Variants in KCNMB2 observed in about 807,000 individuals in gnomAD.
KCNMB2 encodes potassium calcium-activated channel subfamily M regulatory beta subunit 2.
Under a neutral mutation model 24.5 loss-of-function variants are expected in KCNMB2, and 9 were observed. That is an observed-to-expected ratio of 0.37 (90% CI 0.22 to 0.64). The LOEUF (loss-of-function observed/expected upper bound fraction) is 0.64. KCNMB2 is among the 30% of genes least tolerant of loss of function. The probability of loss-of-function intolerance (pLI) is 0.63; values close to 1 mark genes in which losing one functional copy is unlikely to be tolerated. For synonymous variants in KCNMB2, 109 were observed against 104.4 expected, an observed-to-expected ratio of 1.04 and a Z score of -0.27; for missense variants, 226 against 284.3, an observed-to-expected ratio of 0.79 and a Z score of 1.47.
chr3:178,759,697 C>T lies in KCNMB2; in HGVS notation c.-67-47646C>T, dbSNP rs1255248569. On this transcript the variant is annotated intron_variant, in intron 1 of 4. Coordinates refer to ENST00000452583, the MANE Select transcript of KCNMB2 (RefSeq NM_181361.3). Reference sequence around the variant, plus strand: ...ATATATATCCAAGAGGATATATATACACATATATATATCCAAGAGGATATA... The same window carrying T: ...ATATATATCCAAGAGGATATATATATACATATATATATCCAAGAGGATATA... 3.9e-4 allele frequency among the ~76,000 whole-genome samples: 33 copies of T among 83,762 alleles called. 2 individuals are homozygous for T. The highest frequency in any genetic ancestry group is 1.2e-3 in the African/African-American group (32 of 26,860). The allele number at this position is 83,762 out of a possible 152,430, so 55.0% of individuals were successfully genotyped here.
intron 1 of KCNMB2, among the ~76,000 whole-genome samples, chr3:178,571,591 G>T (rs916195188): frequency 6.6e-6 from 1 of 151,326 alleles, no homozygotes; most frequent in Non-Finnish European, 1.5e-5. Context: ...AGGTATACAC[G>T]TGCCATGGTG....
At chr3:178,781,021 A>G (rs1712808820) in intron 1 of KCNMB2, among the ~76,000 whole-genome samples, 2 of 152,230 alleles carry the variant, frequency 1.3e-5, no homozygotes, top group Admixed American at 1.3e-4. Flanking sequence ...TAAAATATGC[A>G]CTGAATTTCA....
At chr3:178,553,521 A>G (rs1016842945) in intron 1 of KCNMB2, among the ~76,000 whole-genome samples, 3 of 151,436 alleles carry the variant, frequency 2.0e-5, no homozygotes, top group African/African-American at 4.9e-5. Flanking sequence ...TTCTCTGATC[A>G]GCTTCAGAGA....
chr3:178,588,346 G>A (rs894909493), intron 1 of KCNMB2, among the ~76,000 whole-genome samples: 6 of 152,102 alleles, frequency 3.9e-5, no homozygotes, highest in African/African-American at 9.7e-5. Context: ...CAACTAGTGG[G>A]AGATTAACAA....
intron 1 of KCNMB2, among the ~76,000 whole-genome samples, chr3:178,737,705 TG>T (rs972083354): frequency 1.3e-5 from 2 of 152,088 alleles, no homozygotes; most frequent in Non-Finnish European, 2.9e-5. Flanking sequence ...TACTTTAGTA[TG>T]AAAAAAAGAC....
intron 1 of KCNMB2, among the ~76,000 whole-genome samples, chr3:178,754,462 T>C (rs1194731057): frequency 6.6e-6 from 1 of 152,100 alleles, no homozygotes; most frequent in Non-Finnish European, 1.5e-5. Context: ...GCACATCTAA[T>C]AAATGTTTGC....
chr3:178,699,895 C>T (rs894205691), intron 1 of KCNMB2, among the ~76,000 whole-genome samples: 5 of 152,188 alleles, frequency 3.3e-5, no homozygotes, highest in African/African-American at 4.8e-5. Flanking sequence ...CCCCTCCTGC[C>T]GGGGTTCTAG....
chr3:178,675,701 G>T (rs968094836), intron 1 of KCNMB2, among the ~76,000 whole-genome samples: 4 of 152,174 alleles, frequency 2.6e-5, no homozygotes, highest in Admixed American at 1.3e-4. Flanking sequence ...AGGGGCAAGA[G>T]AACAGAATAG....
intron 1 of KCNMB2, among the ~76,000 whole-genome samples, chr3:178,678,741 C>G (rs928001763): frequency 6.6e-6 from 1 of 152,144 alleles, no homozygotes; most frequent in Non-Finnish European, 1.5e-5. Flanking sequence ...CAAAGCATGC[C>G]AGTGAGTGGT....
chr3:178,571,325 C>G (rs1411758431), intron 1 of KCNMB2, among the ~76,000 whole-genome samples: 1 of 150,884 alleles, frequency 6.6e-6, no homozygotes, highest in Non-Finnish European at 1.5e-5. Flanking sequence ...TGACAACTTT[C>G]ACATTTCCCC....
intron 4 of KCNMB2, among the ~76,000 whole-genome samples, chr3:178,840,624 C>A (rs1715393928): frequency 6.6e-6 from 1 of 152,272 alleles, no homozygotes; most frequent in Admixed American, 6.5e-5. Context: ...GCAGTCCCAA[C>A]AACACCTGGA....
chr3:178,669,988 A>C (rs1367149394), intron 1 of KCNMB2, among the ~76,000 whole-genome samples: 1 of 152,078 alleles, frequency 6.6e-6, no homozygotes, highest in African/African-American at 2.4e-5. Flanking sequence ...GTTTTCATTG[A>C]TTCTTCTTGA....
At chr3:178,801,201 C>T (rs1404187168) in intron 1 of KCNMB2, among the ~76,000 whole-genome samples, 3 of 151,868 alleles carry the variant, frequency 2.0e-5, no homozygotes, top group Non-Finnish European at 4.4e-5. Context: ...GTTTGTAACA[C>T]GATGAAATGA....
intron 1 of KCNMB2, among the ~76,000 whole-genome samples, chr3:178,763,812 C>G (rs1560011967): frequency 6.6e-6 from 1 of 152,168 alleles, no homozygotes; most frequent in Non-Finnish European, 1.5e-5. Flanking sequence ...TGTTATACTT[C>G]TGTCATTTAC....
intron 1 of KCNMB2, among the ~76,000 whole-genome samples, chr3:178,595,808 T>G (rs922468203): frequency 6.6e-6 from 1 of 152,066 alleles, no homozygotes; most frequent in Non-Finnish European, 1.5e-5. Flanking sequence ...CTAATAGAGG[T>G]GCCAAACCAA....
intron 1 of KCNMB2, among the ~76,000 whole-genome samples, chr3:178,612,769 G>C (rs1332361285): frequency 7.2e-5 from 11 of 152,014 alleles, no homozygotes; most frequent in Admixed American, 7.2e-4. Flanking sequence ...ACTTAATCCT[G>C]TCATTTTGTT....
intron 1 of KCNMB2, among the ~76,000 whole-genome samples, chr3:178,765,566 G>A (rs556594597): frequency 1.1e-4 from 17 of 150,778 alleles, no homozygotes; most frequent in Admixed American, 8.6e-4. Flanking sequence ...TCCCATTCAC[G>A]TTCTCAGCAA....
chr3:178,815,203 A>G (rs990339171), intron 2 of KCNMB2, among the ~76,000 whole-genome samples: 1 of 152,110 alleles, frequency 6.6e-6, no homozygotes, highest in Non-Finnish European at 1.5e-5. Flanking sequence ...CAGTAGCACA[A>G]TCGTGATTCA....
rs1715503741 is a variant in KCNMB2 at position 178,843,486 on chromosome 3, T to A, written c.*549T>A. On this transcript the variant is annotated 3_prime_UTR_variant, in exon 5 of 5. Transcript: ENST00000452583. The stretch of plus-strand genomic sequence containing the variant: ...AGAGGGGAAACCCAGCCAGCTACTT[T>A]TTTTCATCACTTTTTATTCATAACT... 1 of 174,282 alleles carries A rather than the reference T, an allele frequency of 5.7e-6. No individual in the cohort carries two copies. Among genetic ancestry groups the A allele is most frequent in the African/African-American group, 2.4e-5 (1 of 41,600 alleles). The allele number at this position is 174,282 out of a possible 1,614,324, so 10.8% of individuals were successfully genotyped here.
Sources: allele counts gnomAD v4.1 joint callset (sites outside exome capture counted in the v4.1 genomes callset), GRCh38; gene constraint gnomAD v4.1.1; transcripts MANE v1.5; gene names NCBI Gene and HGNC (gene_info 2026-07-23, HGNC 2026-07-21).